The following PCDH9 variants were observed in gnomAD, a reference collection of about 807,000 sequenced individuals.
PCDH9 encodes protocadherin-9.
PCDH9 carries 24 observed loss-of-function variants against 70.6 expected under a neutral mutation model. The ratio of observed to expected loss-of-function variants is 0.34; its 90% CI spans 0.25 to 0.48. PCDH9 has a LOEUF of 0.48. Among genes scored for constraint, PCDH9 ranks in the 20% least tolerant of loss-of-function variants. The pLI is 0.99. For synonymous variants in PCDH9, 562 were observed against 558.5 expected (o/e 1.01, Z -0.09); for missense variants, 1,281 against 1,503.6 (o/e 0.85, Z 2.45).
intron 2 of PCDH9, chr13:67,215,044 G>A (rs1453866707): frequency 6.8e-6 from 1 of 146,352 alleles, no homozygotes; most frequent in East Asian, 2.0e-4. Flanking sequence ...AGGAAAGCAA[G>A]GACTAGTGCA....
chr13:66,635,861 C>A (rs2077630656), intron 3 of PCDH9, among the ~76,000 whole-genome samples: 1 of 151,940 alleles, frequency 6.6e-6, no homozygotes, highest in Non-Finnish European at 1.5e-5. Context: ...ATAAAATAGT[C>A]TAAAGGTAAG....
At chr13:66,813,800 G>A (rs2080554286) in intron 3 of PCDH9, among the ~76,000 whole-genome samples, 1 of 151,952 alleles carries the variant, frequency 6.6e-6, no homozygotes, top group South Asian at 2.1e-4. Context: ...ACAATAATTA[G>A]TGCTTTATTA....
At chr13:67,103,270 T>C (rs2086469205) in intron 2 of PCDH9, among the ~76,000 whole-genome samples, 1 of 152,160 alleles carries the variant, frequency 6.6e-6, no homozygotes, top group Non-Finnish European at 1.5e-5. Flanking sequence ...CTAACATATG[T>C]GAAAATAATT....
At chr13:66,936,855 A>C (rs1220381293) in intron 2 of PCDH9, among the ~76,000 whole-genome samples, 2 of 152,202 alleles carry the variant, frequency 1.3e-5, no homozygotes, top group Non-Finnish European at 2.9e-5. Flanking sequence ...TCTAAAAGTA[A>C]ATCTAAGATT....
intron 3 of PCDH9, among the ~76,000 whole-genome samples, chr13:66,702,019 G>A (rs1355287796): frequency 6.6e-6 from 1 of 152,046 alleles, no homozygotes; most frequent in Admixed American, 6.6e-5. Flanking sequence ...GCCCTTCGTC[G>A]GAAAGCTGAG....
At chr13:66,429,255 A>G (rs967350244) in intron 4 of PCDH9, among the ~76,000 whole-genome samples, 4 of 151,820 alleles carry the variant, frequency 2.6e-5, no homozygotes, top group Non-Finnish European at 5.9e-5. Context: ...AGCAAGAGAG[A>G]TTAATAAGAA....
chr13:67,206,664 G>A (rs1392915038), intron 2 of PCDH9: 2 of 152,176 alleles, frequency 1.3e-5, no homozygotes, highest in Admixed American at 1.3e-4. Context: ...TATTCTCCCA[G>A]TGCATTGCAG....
At chr13:66,494,027 G>A (rs1202052662) in intron 4 of PCDH9, among the ~76,000 whole-genome samples, 2 of 151,952 alleles carry the variant, frequency 1.3e-5, no homozygotes, top group Non-Finnish European at 2.9e-5. Flanking sequence ...TAAGACTTAT[G>A]AATTAAAAAT....
Position 67,134,320 on chromosome 13 carries a change from A to G in PCDH9, c.3036+91085T>C, listed in dbSNP as rs564983301. On this transcript the variant is annotated intron_variant, in intron 2 of 4. Coordinates refer to ENST00000377865, the MANE Select transcript of PCDH9 (RefSeq NM_203487.3). Reference sequence around the variant, plus strand: ...GGTCATTTCATTTAGATAAAAACACAAACTTGTAATAAGTGATATAAATCA... The same window carrying G: ...GGTCATTTCATTTAGATAAAAACACGAACTTGTAATAAGTGATATAAATCA... Among the ~76,000 whole-genome samples, 323 of 152,256 alleles carry G rather than the reference A, an allele frequency of 2.1e-3. No homozygotes were observed. The Middle Eastern group carries it at 0.024, about 11-fold the overall frequency.
rs560876642 is a variant in PCDH9 at position 67,225,630 on chromosome 13, C to T, written c.2811G>A (p.Lys937=). The change falls in exon 2 of 5, where the codon AAG becomes AAA. Residue 937 remains lysine, a synonymous_variant. Coordinates refer to ENST00000377865, the MANE Select transcript of PCDH9 (RefSeq NM_203487.3). ...TFKPNSPDLA[K]HYKSASPQPA... ...GCTGTGGAGAAGCAGATTTGTAGTGCTTGGCCAGGTCAGGACTGTTAGGCT... is the reference window on the plus strand; with the variant it reads ...GCTGTGGAGAAGCAGATTTGTAGTGTTTGGCCAGGTCAGGACTGTTAGGCT... 13 of 1,614,130 alleles carry T rather than the reference C, an allele frequency of 8.1e-6. No homozygotes were observed. The African/African-American group carries it at 1.3e-4, about 17-fold the overall frequency.
rs1356028845 is a variant in PCDH9, at chr13:66,937,202, G to GT, written c.3037-33598dup. On this transcript the variant is annotated intron_variant, in intron 2 of 4. Transcript: ENST00000377865. ...GATTTTACATGCATTATCCTATTTG[G>GT]TAACAGTGAGAGCCCTACGGGATTG... Among the ~76,000 whole-genome samples the GT allele has an allele frequency of 2.6e-5, 4 of 152,216 alleles. No individual in the cohort carries two copies. The East Asian group carries it at 7.7e-4, about 29-fold the overall frequency.
rs191988431 is a variant in PCDH9, at chr13:67,169,405, C to T, written c.3036+56000G>A. Among the ~76,000 whole-genome samples, 434 of 152,220 alleles carry T rather than the reference C, an allele frequency of 2.9e-3. 1 individual carries two copies. The highest frequency in any genetic ancestry group is 1.0e-2 in the African/African-American group (414 of 41,538). Reference sequence around the variant, plus strand: ...AACACTGCTCTGTTGCCATCTTCTGCCATACAAAATTCGTTCCAATTTTAT... The same window carrying T: ...AACACTGCTCTGTTGCCATCTTCTGTCATACAAAATTCGTTCCAATTTTAT... On this transcript the variant is annotated intron_variant, in intron 2 of 4. Transcript: ENST00000377865.
intron 3 of PCDH9, among the ~76,000 whole-genome samples, chr13:66,825,810 T>C (rs1346899490): frequency 6.6e-6 from 1 of 152,164 alleles, no homozygotes; most frequent in Non-Finnish European, 1.5e-5. Context: ...AGAATATGGC[T>C]GATAGACAAA....
rs78348645 is a variant in PCDH9, at chr13:66,761,656, T to C, written c.3139-130245A>G. ...TGTATTGCAGTTTTCATTCCAAGTA[T>C]TGTATTTGCAGTTTTCATTCCAATT... On this transcript the variant is annotated intron_variant, in intron 3 of 4. Transcript: ENST00000377865. Among the ~76,000 whole-genome samples the C allele has an allele frequency of 9.3e-3, 1,421 of 152,290 alleles. 16 individuals are homozygous for C. Among genetic ancestry groups the C allele is most frequent in the Middle Eastern group, 0.068 (20 of 294 alleles).
At chr13:66,412,707 A>G (rs1051696185) in intron 4 of PCDH9, among the ~76,000 whole-genome samples, 1 of 152,170 alleles carries the variant, frequency 6.6e-6, no homozygotes. Flanking sequence ...TGTCCATACC[A>G]ATGCTAGTGT....
chr13:66,471,633 G>A (rs921980752), intron 4 of PCDH9, among the ~76,000 whole-genome samples: 8 of 151,948 alleles, frequency 5.3e-5, no homozygotes, highest in African/African-American at 1.9e-4. Context: ...ATTAATAATG[G>A]GACTTTAAAG....
At chr13:66,538,340 C>T (rs1240559622) in intron 4 of PCDH9, among the ~76,000 whole-genome samples, 1 of 152,138 alleles carries the variant, frequency 6.6e-6, no homozygotes, top group Non-Finnish European at 1.5e-5. Context: ...TATTCAATAA[C>T]CATTGTCCAC....
At chr13:67,140,413 C>G (rs752364620) in intron 2 of PCDH9, among the ~76,000 whole-genome samples, 8 of 152,036 alleles carry the variant, frequency 5.3e-5, no homozygotes, top group Non-Finnish European at 8.8e-5. Flanking sequence ...AATTCAAGTG[C>G]TTTGATTTAG....
chr13:66,668,243 A>T (rs1313498841), intron 3 of PCDH9, among the ~76,000 whole-genome samples: 1 of 152,154 alleles, frequency 6.6e-6, no homozygotes, highest in Non-Finnish European at 1.5e-5. Context: ...TAACCAAAAC[A>T]TTGGCAAACC....
Sources: gnomAD v4.1 joint callset for allele counts (sites outside exome capture counted in the v4.1 genomes callset) on GRCh38, gnomAD v4.1.1 for gene constraint, MANE v1.5 for transcripts, NCBI Gene and HGNC (gene_info 2026-07-23, HGNC 2026-07-21) for gene names.